The following GRIP1 variants were observed in gnomAD, a reference collection of about 807,000 sequenced individuals.
GRIP1 encodes the protein glutamate receptor-interacting protein 1.
Under a neutral mutation model 129.9 loss-of-function variants are expected in GRIP1, and 45 were observed. The ratio of observed to expected loss-of-function variants is 0.35; its 90% CI spans 0.27 to 0.44. GRIP1 has a LOEUF of 0.44. Among genes scored for constraint, GRIP1 ranks in the 20% least tolerant of loss-of-function variants. The probability of loss-of-function intolerance (pLI) is 1.00; values close to 1 mark genes in which losing one functional copy is unlikely to be tolerated. For synonymous variants in GRIP1, 530 were observed against 520.8 expected, an observed-to-expected ratio of 1.02 and a Z score of -0.24; for missense variants, 1,196 against 1,396.8, an observed-to-expected ratio of 0.86 and a Z score of 2.29.
chr12:66,630,198 A>G (rs546526719), intron 1 of GRIP1: 75 of 152,192 alleles, frequency 4.9e-4, no homozygotes, highest in African/African-American at 1.8e-3. Context: ...TAAAAATACA[A>G]AATTATCTGG....
At chr12:66,991,228 A>G (rs964252210) in intron 1 of GRIP1, among the ~76,000 whole-genome samples, 1 of 152,142 alleles carries the variant, frequency 6.6e-6, no homozygotes, top group African/African-American at 2.4e-5. Context: ...AGCCGAGATC[A>G]CGCCACTGCA....
intron 1 of GRIP1, among the ~76,000 whole-genome samples, chr12:67,053,622 C>T (rs543337389): frequency 6.6e-6 from 1 of 151,950 alleles, no homozygotes; most frequent in Non-Finnish European, 1.5e-5. Flanking sequence ...GGTATATCAC[C>T]TAAGGTCAGT....
chr12:66,688,546 C>T (rs1658671567), intron 1 of GRIP1, among the ~76,000 whole-genome samples: 2 of 152,080 alleles, frequency 1.3e-5, no homozygotes, highest in South Asian at 4.1e-4. Context: ...AAAAAGGTCT[C>T]ACTCTTGTGC....
intron 1 of GRIP1, among the ~76,000 whole-genome samples, chr12:67,008,920 CA>C (rs2042665851): frequency 1.9e-5 from 1 of 53,356 alleles, no homozygotes; most frequent in Admixed American, 2.0e-4. Flanking sequence ...TTCCTTTCTC[CA>C]GGAAAAAAAA....
At chr12:66,726,777 T>C (rs186497306) in intron 1 of GRIP1, among the ~76,000 whole-genome samples, 2 of 152,312 alleles carry the variant, frequency 1.3e-5, no homozygotes, top group East Asian at 1.9e-4. Flanking sequence ...CTGGAAGAAT[T>C]TGAGGCAGTA....
chr12:66,764,848 T>A (rs535248253), intron 1 of GRIP1, among the ~76,000 whole-genome samples: 2 of 152,206 alleles, frequency 1.3e-5, no homozygotes, highest in Non-Finnish European at 2.9e-5. Context: ...GCAGCTTAAG[T>A]AGTCTGTAAA....
chr12:66,689,079 G>A (rs1592745656), intron 1 of GRIP1, among the ~76,000 whole-genome samples: 1 of 152,194 alleles, frequency 6.6e-6, no homozygotes, highest in Non-Finnish European at 1.5e-5. Flanking sequence ...GGGAGTGCAG[G>A]GCTCAGGCAG....
At chr12:66,736,651 A>C (rs2036612910) in intron 1 of GRIP1, among the ~76,000 whole-genome samples, 1 of 151,980 alleles carries the variant, frequency 6.6e-6, no homozygotes, top group Admixed American at 6.6e-5. Flanking sequence ...AGGTGGAAGA[A>C]AATCTGCACA....
At chr12:66,683,053 C>A (rs1414318304), upstream of GRIP1, among the ~76,000 whole-genome samples, 2 of 151,948 alleles carry the variant, frequency 1.3e-5, no homozygotes, top group South Asian at 2.1e-4. Flanking sequence ...CCCCACACCC[C>A]CTACCCTGCA....
At chr12:66,988,177 T>G (rs944460245) in intron 1 of GRIP1, among the ~76,000 whole-genome samples, 2 of 152,192 alleles carry the variant, frequency 1.3e-5, no homozygotes, top group African/African-American at 4.8e-5. Context: ...TAGTGTGAAA[T>G]AATAGTGCTA....
chr12:66,961,336 C>T lies in GRIP1; in HGVS notation c.58+107714G>A, dbSNP rs117849747. ...CAAACAGTGCTAGGGAAGTAGGAGG[C>T]GGGGAATTTGGGTAGGAAAAAAAAG... On this transcript the variant is annotated intron_variant, in intron 1 of 1. Transcript: ENST00000643019. 9.3e-3 allele frequency among the ~76,000 whole-genome samples: 1,417 copies of T among 151,734 alleles called. 8 individuals are homozygous for T. Among genetic ancestry groups the T allele is most frequent in the Non-Finnish European group, 0.015 (1,000 of 67,910 alleles).
intron 1 of GRIP1, among the ~76,000 whole-genome samples, chr12:66,857,211 C>T (rs1357436064): frequency 3.9e-5 from 5 of 127,448 alleles, no homozygotes. Flanking sequence ...CATCACACAC[C>T]GGGGCCTGTT....
At chr12:66,612,413 C>T in intron 1 of GRIP1, among the ~76,000 whole-genome samples, 1 of 152,050 alleles carries the variant, frequency 6.6e-6, no homozygotes, top group Non-Finnish European at 1.5e-5. Flanking sequence ...AATTCCAGCA[C>T]TTTGGGAGGC....
At position 66,723,303 on chromosome 12, in the gene GRIP1, TC is replaced by T. The variant is rs1400055033; in HGVS notation, c.-420+80749del. On this transcript the variant is annotated intron_variant, in intron 1 of 4. Transcript: ENST00000538373. Reference sequence around the variant, plus strand: ...TCCTTCCTTTCTTTCTTTCTTTCTTTCTTTTTTTTTTTTTTTTTTTTTTTTT... The same window carrying T: ...TCCTTCCTTTCTTTCTTTCTTTCTTTTTTTTTTTTTTTTTTTTTTTTTTTT... Among the ~76,000 whole-genome samples, 167 of 45,666 alleles carry T rather than the reference TC, an allele frequency of 3.7e-3. 1 individual carries two copies. The highest frequency in any genetic ancestry group is 0.01 in the East Asian group (10 of 962). The allele number at this position is 45,666 out of a possible 152,430, so 30.0% of individuals were successfully genotyped here.
chr12:66,814,846 T>C (rs984962709), intron 1 of GRIP1, among the ~76,000 whole-genome samples: 7 of 118,712 alleles, frequency 5.9e-5, no homozygotes, highest in African/African-American at 1.9e-4. Context: ...AGGGACCTTC[T>C]TCACAGGGCA....
chr12:66,676,013 T>A (rs1366831417), intron 1 of GRIP1, among the ~76,000 whole-genome samples: 1 of 152,204 alleles, frequency 6.6e-6, no homozygotes, highest in East Asian at 1.9e-4. Flanking sequence ...TATAATACTG[T>A]GGATCAGTGT....
chr12:66,355,236 GCACA>G (rs903594468), intron 23 of GRIP1, among the ~76,000 whole-genome samples: 1 of 152,054 alleles, frequency 6.6e-6, no homozygotes, highest in South Asian at 2.1e-4. Context: ...GTGTGTGTGT[GCACA>G]CACACTGGAC....
intron 1 of GRIP1, among the ~76,000 whole-genome samples, chr12:67,057,059 G>A (rs940838110): frequency 6.6e-6 from 1 of 152,028 alleles, no homozygotes; most frequent in African/African-American, 2.4e-5. Context: ...CAAGTGATAT[G>A]CCCACCTCGG....
intron 1 of GRIP1, among the ~76,000 whole-genome samples, chr12:67,059,786 T>C (rs561739296): frequency 6.6e-6 from 1 of 152,332 alleles, no homozygotes; most frequent in East Asian, 1.9e-4. Context: ...TATATAAGTA[T>C]ACTCTAAACC....
Sources: gnomAD v4.1 joint callset for allele counts (sites outside exome capture counted in the v4.1 genomes callset) on GRCh38, gnomAD v4.1.1 for gene constraint, MANE v1.5 for transcripts, NCBI Gene and HGNC (gene_info 2026-07-23, HGNC 2026-07-21) for gene names.